FOXO3B: variants seen among roughly 807,000 people sequenced by gnomAD.
FOXO3B encodes the protein forkhead box protein O3B.
A neutral mutation model predicts 21.9 loss-of-function variants in FOXO3B; 15 were observed. That is an observed-to-expected ratio of 0.68 (90% CI 0.46 to 1.05). The LOEUF is 1.05. Among genes scored for constraint, FOXO3B ranks in the 50% least tolerant of loss-of-function variants. FOXO3B has a pLI of 0.00. For missense variants in FOXO3B, 293 were observed against 435.5 expected, an observed-to-expected ratio of 0.67 and a Z score of 2.91; for synonymous variants, 135 against 213.6, an observed-to-expected ratio of 0.63 and a Z score of 3.21.
chr17:18,668,330 CT>C lies in FOXO3B; in HGVS notation c.*3978del, dbSNP rs2032304763. On this transcript the variant is annotated 3_prime_UTR_variant, in exon 4 of 4. Coordinates refer to ENST00000395675, the MANE Select transcript of FOXO3B (RefSeq NM_001368135.1). Reference sequence around the variant, plus strand: ...AGAACAAAAAACCAAAGCATTCCCTCTTCATTCTCCTGATCTGTTTTATGCT... The same window carrying C: ...AGAACAAAAAACCAAAGCATTCCCTCTCATTCTCCTGATCTGTTTTATGCT... 6.6e-6 allele frequency: 1 copy of C among 152,508 alleles called. No individual in the cohort carries two copies. Among genetic ancestry groups the C allele is most frequent in the Admixed American group, 6.5e-5 (1 of 15,284 alleles). The allele number at this position is 152,508 out of a possible 1,614,324, so 9.4% of individuals were successfully genotyped here. A position where few individuals can be genotyped will look rare whatever the true frequency, so the allele number is the denominator to read the frequency against.
Position 18,672,367 on chromosome 17 carries a change from A to G in FOXO3B, c.815T>C (p.Met272Thr). The change falls in exon 4 of 4, where the codon ATG becomes ACG. Residue 272 changes from methionine to threonine, a missense_variant. Around this residue, in one of 2 missense-constraint regions of FOXO3B, gnomAD observed 42 missense variants for 31.5 expected, o/e 1.33. Transcript: ENST00000395675. The surrounding 1 kb of genome is among the most constrained non-coding windows in gnomAD (Gnocchi z 4.2). ...CTTGAAGTAGGGCACGCAACTCACCATCCACTCGTAGATCTGGGACAGAGT... is the reference window on the plus strand; with the variant it reads ...CTTGAAGTAGGGCACGCAACTCACCGTCCACTCGTAGATCTGGGACAGAGT... ...RLTLSQIYEWMVSCVPYFKDK... is the reference protein window; with the variant it reads ...RLTLSQIYEWTVSCVPYFKDK... The G allele has an allele frequency of 1.2e-6, 2 of 1,612,340 alleles. No homozygotes were observed. Among genetic ancestry groups the G allele is most frequent in the South Asian group, 2.2e-5 (2 of 90,980 alleles).
intron 1 of FOXO3B, 121 bp from the exon 2 acceptor site, chr17:18,681,967 G>C (rs2032594042): frequency 3.2e-6 from 2 of 621,338 alleles, no homozygotes; most frequent in Non-Finnish European, 5.8e-6. Flanking sequence ...TCAGGAGTTT[G>C]GACAAATTCT....
At chr17:18,677,930 A>G (rs866266474) in intron 3 of FOXO3B, among the ~76,000 whole-genome samples, 30 of 148,630 alleles carry the variant, frequency 2.0e-4, no homozygotes, top group African/African-American at 7.2e-4. Flanking sequence ...AAAAAAAAAA[A>G]AAGAAAGAAG....
At chr17:18,681,140 A>G (rs1479602592) in intron 2 of FOXO3B, among the ~76,000 whole-genome samples, 11 of 151,612 alleles carry the variant, frequency 7.3e-5, no homozygotes, top group Non-Finnish European at 1.5e-4. Context: ...CTGAAAGCTT[A>G]TTTATAATGT....
At position 18,669,889 on chromosome 17, in the gene FOXO3B, T is replaced by A. The variant is rs1235514291; in HGVS notation, c.*2420A>T. 1.3e-5 allele frequency among the ~76,000 whole-genome samples: 2 copies of A among 152,158 alleles called. No homozygotes were observed. The highest frequency in any genetic ancestry group is 2.9e-5 in the Non-Finnish European group (2 of 68,026). On this transcript the variant is annotated 3_prime_UTR_variant, in exon 4 of 4. Coordinates refer to ENST00000395675, the MANE Select transcript of FOXO3B (RefSeq NM_001368135.1). The stretch of plus-strand genomic sequence containing the variant: ...ACATTTCTCACTGCAAGCTTAATGC[T>A]CACCTGTAAGTTCATTTGTTCTGCA...
intron 3 of FOXO3B, among the ~76,000 whole-genome samples, chr17:18,675,109 AAAG>A (rs1428489970): frequency 2.6e-5 from 4 of 151,554 alleles, no homozygotes; most frequent in African/African-American, 9.8e-5. Flanking sequence ...ATTGTTCAAA[AAAG>A]AAGGCTAAGA....
intron 3 of FOXO3B, among the ~76,000 whole-genome samples, chr17:18,676,259 C>T (rs1167387533): frequency 1.3e-5 from 2 of 152,206 alleles, no homozygotes; most frequent in East Asian, 1.9e-4. Flanking sequence ...GATAACTCAA[C>T]TGTTGGCAGT....
In FOXO3B at chr17:18,671,951, G is replaced by C; in HGVS notation, c.*358C>G. Reference sequence around the variant, plus strand: ...TCCAACTCTGTGCTTGCCATGATGGGCGACAGGCGGCCACTGACTGTGCTG... The same window carrying C: ...TCCAACTCTGTGCTTGCCATGATGGCCGACAGGCGGCCACTGACTGTGCTG... On this transcript the variant is annotated 3_prime_UTR_variant, in exon 4 of 4. Transcript: ENST00000395675. The C allele has an allele frequency of 6.2e-7, 1 of 1,613,432 alleles. No individual in the cohort carries two copies. The highest frequency in any genetic ancestry group is 8.5e-7 in the Non-Finnish European group (1 of 1,179,674).
At chr17:18,680,946 T>C in intron 2 of FOXO3B, 117 bp from the exon 3 acceptor site, 1 of 997,146 alleles carries the variant, frequency 1.0e-6, no homozygotes, top group South Asian at 1.7e-5. Flanking sequence ...AGACTGAAGG[T>C]ACCCCCAAAA....
chr17:18,671,378 C>A lies in FOXO3B; in HGVS notation c.*931G>T. On this transcript the variant is annotated 3_prime_UTR_variant, in exon 4 of 4. Transcript: ENST00000395675. The stretch of plus-strand genomic sequence containing the variant: ...GGTTAGGCTGGGCAGCAAAGGACAT[C>A]ATCGGATCATTGCGAAGCATCACGT... The A allele has an allele frequency of 1.2e-6, 2 of 1,613,744 alleles. No individual in the cohort carries two copies. The highest frequency in any genetic ancestry group is 2.2e-5 in the East Asian group (1 of 44,842).
In FOXO3B at chr17:18,671,799, C is replaced by T; in HGVS notation, c.*510G>A. On this transcript the variant is annotated 3_prime_UTR_variant, in exon 4 of 4. Coordinates refer to ENST00000395675, the MANE Select transcript of FOXO3B (RefSeq NM_001368135.1). ...TTCAGTCAGCCCCATCATTCAGATTCATGGTGCCTGCCATGTCAGTCAGCC... is the reference window on the plus strand; with the variant it reads ...TTCAGTCAGCCCCATCATTCAGATTTATGGTGCCTGCCATGTCAGTCAGCC... 3.1e-6 allele frequency: 5 copies of T among 1,607,894 alleles called. No individual in the cohort carries two copies. The South Asian group carries it at 5.5e-5, about 18-fold the overall frequency.
rs2032324670 is a variant in FOXO3B at position 18,669,522 on chromosome 17, C to G, written c.*2787G>C. 6.6e-6 allele frequency: 1 copy of G among 152,604 alleles called. No individual in the cohort carries two copies. 9.5% of individuals were successfully genotyped at this position (152,604 alleles called of 1,614,324 possible). ...TCATATGTACCAAAGGTGGTCCCAA[C>G]TATTCCGTCTACCAAAGAAGGTAAC... On this transcript the variant is annotated 3_prime_UTR_variant, in exon 4 of 4. Transcript: ENST00000395675.
In FOXO3B at chr17:18,682,305, C is replaced by T; in HGVS notation, c.-297G>A. On this transcript the variant is annotated 5_prime_UTR_variant, in exon 1 of 4. Coordinates refer to ENST00000395675, the MANE Select transcript of FOXO3B (RefSeq NM_001368135.1). The stretch of plus-strand genomic sequence containing the variant: ...GCCAGGCGTGCTGCTCTCATTCCGC[C>T]CGGAACTACAATTCCCAGAAGCGCC... The T allele has an allele frequency of 1.9e-6, 1 of 534,540 alleles. No individual in the cohort carries two copies. The highest frequency in any genetic ancestry group is 1.9e-5 in the African/African-American group (1 of 52,426). 33.1% of individuals were successfully genotyped at this position (534,540 alleles called of 1,614,324 possible).
rs147483485 is a variant in FOXO3B, at chr17:18,669,796, G to C, written c.*2513C>G. ...ATATAGCAAGGCTGAAAATAATCAA[G>C]GATGTGTATTTAGGAAAACAGTGAA... On this transcript the variant is annotated 3_prime_UTR_variant, in exon 4 of 4. Transcript: ENST00000395675. Among the ~76,000 whole-genome samples, 9 of 152,314 alleles carry C rather than the reference G, an allele frequency of 5.9e-5. No individual in the cohort carries two copies. In the East Asian group the frequency reaches 1.7e-3, roughly 29 times the overall value.
Position 18,671,762 on chromosome 17 carries a change from G to T in FOXO3B, c.*547C>A. 6.2e-7 allele frequency: 1 copy of T among 1,613,346 alleles called. No individual in the cohort carries two copies. The highest frequency in any genetic ancestry group is 1.1e-5 in the South Asian group (1 of 91,016). The stretch of plus-strand genomic sequence containing the variant: ...GGAGCGTGATGTTATCCAGCAGGTC[G>T]TCCATGAGGTTTTCAGTCAGCCCCA... On this transcript the variant is annotated 3_prime_UTR_variant, in exon 4 of 4. Coordinates refer to ENST00000395675, the MANE Select transcript of FOXO3B (RefSeq NM_001368135.1).
chr17:18,673,319 T>C (rs1026010992), intron 3 of FOXO3B, among the ~76,000 whole-genome samples: 5 of 152,238 alleles, frequency 3.3e-5, no homozygotes, highest in Admixed American at 3.3e-4. Flanking sequence ...ACTTTATTGC[T>C]CAGGCTGGTC....
rs572747850 is a variant in FOXO3B, at chr17:18,669,683, G to A, written c.*2626C>T. Reference sequence around the variant, plus strand: ...CCCTATTTTGTACTTCCATTGAGTCGCTTGTACAATTACAACCTAAGCTTA... The same window carrying A: ...CCCTATTTTGTACTTCCATTGAGTCACTTGTACAATTACAACCTAAGCTTA... On this transcript the variant is annotated 3_prime_UTR_variant, in exon 4 of 4. Coordinates refer to ENST00000395675, the MANE Select transcript of FOXO3B (RefSeq NM_001368135.1). Among the ~76,000 whole-genome samples the A allele has an allele frequency of 1.3e-5, 2 of 152,212 alleles. No individual in the cohort carries two copies. Among genetic ancestry groups the A allele is most frequent in the African/African-American group, 2.4e-5 (1 of 41,538 alleles).
rs1310185346 is a variant in FOXO3B, at chr17:18,681,278, C to T, written c.37+337G>A. 3 of 428,784 alleles carry T rather than the reference C, an allele frequency of 7.0e-6. 1 individual carries two copies. The highest frequency in any genetic ancestry group is 6.9e-5 in the African/African-American group (3 of 43,418). 26.6% of individuals were successfully genotyped at this position (428,784 alleles called of 1,614,324 possible). On this transcript the variant is annotated intron_variant, in intron 2 of 3. Transcript: ENST00000395675. The stretch of plus-strand genomic sequence containing the variant: ...ACAGCACAACCTTCACGAAACTGGT[C>T]AGGTAGAATGGAAGTCAGTCATTAA...
intron 3 of FOXO3B, chr17:18,677,660 G>A (rs2032516318): frequency 6.2e-7 from 1 of 1,607,478 alleles, no homozygotes; most frequent in Non-Finnish European, 8.5e-7. Context: ...GCTTGGGAGG[G>A]GCTGAGGGTC....
Sources: gnomAD v4.1 joint callset for allele counts (sites outside exome capture counted in the v4.1 genomes callset) on GRCh38, gnomAD v4.1.1 for gene constraint, gnomAD v4.1.1 regional missense constraint, Gnocchi (gnomAD v3.1) non-coding constraint, MANE v1.5 for transcripts, NCBI Gene and HGNC (gene_info 2026-07-23, HGNC 2026-07-21) for gene names.